Variants in RBM47 observed in about 807,000 individuals in gnomAD.
RBM47 encodes RNA-binding protein 47.
RBM47 carries 21 observed loss-of-function variants against 47.1 expected under a neutral mutation model. The ratio of observed to expected loss-of-function variants is 0.45; its 90% CI spans 0.32 to 0.64. The LOEUF (loss-of-function observed/expected upper bound fraction) is 0.64. RBM47 is among the 30% of genes least tolerant of loss of function. The pLI is 0.05. For synonymous variants in RBM47, 375 were observed against 361.7 expected, an observed-to-expected ratio of 1.04 and a Z score of -0.42; for missense variants, 708 against 870.9, an observed-to-expected ratio of 0.81 and a Z score of 2.35.
intron 2 of RBM47, among the ~76,000 whole-genome samples, chr4:40,481,481 TTATTA>T (rs1720404145): frequency 1.6e-5 from 2 of 121,690 alleles, no homozygotes; most frequent in Admixed American, 8.7e-5. Context: ...ATTATTATTA[TTATTA>T]TTTTTATTTT....
chr4:40,438,002 T>A lies in RBM47; in HGVS notation c.892A>T (p.Met298Leu), dbSNP rs769913096. The stretch of plus-strand genomic sequence containing the variant: ...AGCTCAGTGCCGTTGAGGTTGTTCA[T>A]GGCATGCACGGCATCCTCGCGGCTG... ...FTSREDAVHA[M>L]NNLNGTELEG... Residue 298 changes from methionine (M) to leucine (L), a missense_variant, in exon 4 of 7, where the codon ATG becomes TTG. Physicochemically the swap from Met to Leu is conservative, Grantham distance 15 (BLOSUM62 2). Coordinates refer to ENST00000295971, the MANE Select transcript of RBM47 (RefSeq NM_001098634.2). The A allele has an allele frequency of 1.2e-6, 2 of 1,613,712 alleles. No individual in the cohort carries two copies. Among genetic ancestry groups the A allele is most frequent in the South Asian group, 2.2e-5 (2 of 91,082 alleles).
At chr4:40,574,928 C>T (rs781163822) in intron 1 of RBM47, among the ~76,000 whole-genome samples, 22 of 152,012 alleles carry the variant, frequency 1.4e-4, no homozygotes, top group Non-Finnish European at 2.5e-4. Flanking sequence ...AGATAGGTTA[C>T]GAAGATAATC....
At chr4:40,547,387 C>G (rs1262619925) in intron 1 of RBM47, among the ~76,000 whole-genome samples, 1 of 152,182 alleles carries the variant, frequency 6.6e-6, no homozygotes, top group Non-Finnish European at 1.5e-5. Context: ...ACACAGACAA[C>G]ACAGACCGAG....
intron 2 of RBM47, among the ~76,000 whole-genome samples, chr4:40,472,520 C>T (rs1431114685): frequency 6.7e-6 from 1 of 149,538 alleles, no homozygotes; most frequent in African/African-American, 2.5e-5. Context: ...TGAGATCACG[C>T]CATTGCACCC....
intron 5 of RBM47, among the ~76,000 whole-genome samples, chr4:40,434,489 C>T (rs1393059843): frequency 2.0e-5 from 3 of 152,106 alleles, no homozygotes; most frequent in African/African-American, 7.2e-5. Context: ...TTTAACAGTT[C>T]TTTTCTCTTG....
chr4:40,583,273 G>C (rs970625293), intron 1 of RBM47, among the ~76,000 whole-genome samples: 23 of 151,394 alleles, frequency 1.5e-4, no homozygotes, highest in Admixed American at 1.5e-3. Flanking sequence ...AATTAGCTGG[G>C]CATGGTGGTG....
chr4:40,623,215 G>A (rs1737429802), intron 1 of RBM47, among the ~76,000 whole-genome samples: 1 of 152,162 alleles, frequency 6.6e-6, no homozygotes, highest in South Asian at 2.1e-4. Context: ...ATACCTTGAG[G>A]TAGATGCTGG....
intron 1 of RBM47, among the ~76,000 whole-genome samples, chr4:40,561,643 G>GGGCTCA (rs768421069): frequency 2.6e-4 from 38 of 148,912 alleles, no homozygotes; most frequent in Admixed American, 2.7e-4. Flanking sequence ...TCCACCTCCT[G>GGGCTCA]GGCTCAGGTG....
intron 1 of RBM47, among the ~76,000 whole-genome samples, chr4:40,558,554 A>C (rs536114866): frequency 3.3e-5 from 5 of 149,380 alleles, no homozygotes; most frequent in Non-Finnish European, 5.9e-5. Flanking sequence ...TGGGCCAGAC[A>C]TGGTGGCTCA....
intron 1 of RBM47, among the ~76,000 whole-genome samples, chr4:40,619,428 C>T (rs1225708461): frequency 1.3e-5 from 2 of 152,066 alleles, no homozygotes; most frequent in African/African-American, 2.4e-5. Context: ...TTTAAGAAGT[C>T]GTCTTTAATG....
chr4:40,529,641 C>A (rs1197485501), intron 2 of RBM47, among the ~76,000 whole-genome samples: 1 of 149,912 alleles, frequency 6.7e-6, no homozygotes, highest in African/African-American at 2.4e-5. Context: ...CAAGTCTGGC[C>A]AACATGGCAA....
intron 3 of RBM47, among the ~76,000 whole-genome samples, chr4:40,462,184 T>C (rs1717246604): frequency 6.6e-6 from 1 of 152,148 alleles, no homozygotes; most frequent in Non-Finnish European, 1.5e-5. Flanking sequence ...CTTTGTACTT[T>C]TCAATATTCT....
chr4:40,621,751 C>T (rs1206168794), intron 1 of RBM47, among the ~76,000 whole-genome samples: 1 of 152,202 alleles, frequency 6.6e-6, no homozygotes, highest in Non-Finnish European at 1.5e-5. Flanking sequence ...AAACAGAGGG[C>T]TACACATTTA....
At chr4:40,480,080 T>C (rs1423766883) in intron 2 of RBM47, among the ~76,000 whole-genome samples, 2 of 148,954 alleles carry the variant, frequency 1.3e-5, no homozygotes, top group South Asian at 4.2e-4. Context: ...CAGGTTCAAG[T>C]GATTCTCCTG....
Position 40,423,425 on chromosome 4 carries a change from T to G in RBM47, c.*2479A>C, listed in dbSNP as rs1714618279. The G allele has an allele frequency of 6.6e-6, 1 of 152,044 alleles. No homozygotes were observed. 9.4% of individuals were successfully genotyped at this position (152,044 alleles called of 1,614,324 possible). On this transcript the variant is annotated 3_prime_UTR_variant, in exon 7 of 7. Transcript: ENST00000295971. The stretch of plus-strand genomic sequence containing the variant: ...GTTTGAAAACAGAACTCTAAAACTT[T>G]TTTTTTACATTTATATAGTTTGTTC...
At chr4:40,540,859 AT>A (rs1395853617) in intron 2 of RBM47, among the ~76,000 whole-genome samples, 2 of 151,712 alleles carry the variant, frequency 1.3e-5, no homozygotes, top group African/African-American at 4.8e-5. Flanking sequence ...ATTTTTCCAT[AT>A]AACCTAAATG....
intron 1 of RBM47, among the ~76,000 whole-genome samples, chr4:40,588,960 A>T (rs1733857056): frequency 6.6e-6 from 1 of 151,510 alleles, no homozygotes; most frequent in South Asian, 2.1e-4. Flanking sequence ...TTTTAGGGGA[A>T]AGAGGTTAGA....
chr4:40,598,991 A>C (rs1735003413), intron 1 of RBM47, among the ~76,000 whole-genome samples: 1 of 152,160 alleles, frequency 6.6e-6, no homozygotes, highest in Admixed American at 6.5e-5. Flanking sequence ...ATAGTGGCTC[A>C]TACCTGTAAT....
intron 3 of RBM47, among the ~76,000 whole-genome samples, chr4:40,444,639 A>C (rs1419813190): frequency 1.3e-5 from 2 of 151,208 alleles, no homozygotes. Flanking sequence ...ATGATAACTT[A>C]ATTTCAGGAC....
Sources: allele counts gnomAD v4.1 joint callset (sites outside exome capture counted in the v4.1 genomes callset), GRCh38; gene constraint gnomAD v4.1.1; transcripts MANE v1.5; gene names NCBI Gene and HGNC (gene_info 2026-07-23, HGNC 2026-07-21).